Variants in NPEPL1 observed in about 807,000 individuals in gnomAD.
NPEPL1 encodes the protein aminopeptidase like 1.
A neutral mutation model predicts 52.4 loss-of-function variants in NPEPL1; 45 were observed. The observed-to-expected ratio is 0.86, with a 90% CI of 0.68 to 1.10. The LOEUF (loss-of-function observed/expected upper bound fraction) is 1.10. NPEPL1 is among the 50% of genes least tolerant of loss of function. The probability of loss-of-function intolerance (pLI) is 0.00; values close to 1 mark genes in which losing one functional copy is unlikely to be tolerated. For synonymous variants in NPEPL1, 360 were observed against 314.7 expected (o/e 1.14, Z -1.52); for missense variants, 696 against 710.9 (o/e 0.98, Z 0.24).
intron 5 of NPEPL1, among the ~76,000 whole-genome samples, chr20:58,700,252 G>GAGAC (rs1392602390): frequency 1.3e-5 from 2 of 152,236 alleles, no homozygotes; most frequent in Admixed American, 6.5e-5. Flanking sequence ...GGTTAGAGGT[G>GAGAC]AGACATCAGG....
At chr20:58,714,772 C>G in intron 11 of NPEPL1, 102 bp downstream of exon 11, 1 of 918,726 alleles carries the variant, frequency 1.1e-6, no homozygotes, top group South Asian at 1.6e-5. Flanking sequence ...TCAGAAACTT[C>G]TGTCTGTGAC....
upstream of NPEPL1, among the ~76,000 whole-genome samples, chr20:58,689,773 C>T: frequency 6.6e-6 from 1 of 152,094 alleles, no homozygotes. Flanking sequence ...GTTCTACTTG[C>T]TTCCCCTTCC....
At position 58,713,899 on chromosome 20, in the gene NPEPL1, G is replaced by A. The variant is rs371352151; in HGVS notation, c.1126-18G>A. ...CTGCCGTCCCGTCCACACGCTTCCC[G>A]GGTTCCTGCCCGCCCAGGGCATTGC... On this transcript the variant is annotated intron_variant, in intron 9 of 11. Transcript: ENST00000356091. This position sits in a 1 kb window ranked among gnomAD's most constrained non-coding sequence, Gnocchi z 4.6. 1.4e-5 allele frequency: 21 copies of A among 1,449,040 alleles called. No individual in the cohort carries two copies. In the African/African-American group the frequency reaches 1.9e-4, roughly 13 times the overall value. The allele number at this position is 1,449,040 out of a possible 1,614,324, so 89.8% of individuals were successfully genotyped here. A position where few individuals can be genotyped will look rare whatever the true frequency, so the allele number is the denominator to read the frequency against.
At chr20:58,708,534 A>T (rs1479915208) in intron 7 of NPEPL1, among the ~76,000 whole-genome samples, 1 of 151,834 alleles carries the variant, frequency 6.6e-6, no homozygotes, top group Non-Finnish European at 1.5e-5. Flanking sequence ...CTCCATGAGC[A>T]CCTGCCGTGG....
At chr20:58,691,558 G>C, upstream of NPEPL1, 1 of 645,782 alleles carries the variant, frequency 1.5e-6, no homozygotes, top group Non-Finnish European at 2.7e-6. Context: ...CTGTGGACAG[G>C]GAAGGTGAAA....
intron 3 of NPEPL1, among the ~76,000 whole-genome samples, chr20:58,695,220 ATG>A (rs1428175438): frequency 7.8e-4 from 1 of 1,274 alleles, no homozygotes; most frequent in East Asian, 0.013. Flanking sequence ...CATGAGCAGC[ATG>A]TGTTGCTGTG....
chr20:58,697,982 C>T (rs1241854718), intron 3 of NPEPL1, among the ~76,000 whole-genome samples: 6 of 152,238 alleles, frequency 3.9e-5, no homozygotes, highest in Non-Finnish European at 8.8e-5. Flanking sequence ...TTCCATGAGG[C>T]GAGACCTCCC....
Position 58,704,029 on chromosome 20 carries a change from C to T in NPEPL1, c.822+2871C>T, listed in dbSNP as rs16982240. The T allele has an allele frequency of 6.6e-3, 6,497 of 985,306 alleles. 334 individuals carry two copies. In the African/African-American group the frequency reaches 0.11, roughly 16 times the overall value. 61.0% of individuals were successfully genotyped at this position (985,306 alleles called of 1,614,324 possible). On this transcript the variant is annotated intron_variant, in intron 6 of 11. Transcript: ENST00000356091. ...CCCCGCTGCAGTTGGAACCGTTCTA[C>T]GTGGATTTGGGATCAACCAGCAGGC...
chr20:58,691,659 G>GAGTT, upstream of NPEPL1: 2 of 733,230 alleles, frequency 2.7e-6, no homozygotes, highest in Non-Finnish European at 4.5e-6. Context: ...CCACGCCAGG[G>GAGTT]AGTTGACAGT....
chr20:58,714,882 A>C, intron 11 of NPEPL1: 4 of 610,472 alleles, frequency 6.6e-6, no homozygotes, highest in Non-Finnish European at 1.1e-5. Context: ...CCTGTCCTCC[A>C]TAGGGGATCC....
rs374427176 is a variant in NPEPL1, at chr20:58,715,300, G to C, written c.1546G>C (p.Asp516His). The C allele has an allele frequency of 6.2e-7, 1 of 1,609,452 alleles. No individual in the cohort carries two copies. Among genetic ancestry groups the C allele is most frequent in the African/African-American group, 1.3e-5 (1 of 74,796 alleles). Residue 516 changes from aspartate to histidine, a missense_variant, in exon 12 of 12, where the codon GAC becomes CAC. Transcript: ENST00000356091. ...VDVEEGDLGR[D>H]SKRRRLV is the part of the protein sequence containing the mutation. Reference sequence around the variant, plus strand: ...TGTCGAGGAGGGGGACCTGGGGAGGGACTCCAAGAGACGCAGGCTTGTGTG... The same window carrying C: ...TGTCGAGGAGGGGGACCTGGGGAGGCACTCCAAGAGACGCAGGCTTGTGTG...
chr20:58,714,909 C>G (rs1030677780), intron 11 of NPEPL1: 1 of 609,842 alleles, frequency 1.6e-6, no homozygotes, highest in Non-Finnish European at 2.9e-6. Context: ...CTGTCTCACC[C>G]ATCCCCACCC....
At position 58,713,539 on chromosome 20, in the gene NPEPL1, C is replaced by T. The variant is rs1338784611; in HGVS notation, c.1121C>T (p.Ala374Val). ...IILDMATLTG[A>V]QGIATGKYHA... is the part of the protein sequence containing the mutation. Reference sequence around the variant, plus strand: ...CTGGACATGGCCACCCTGACCGGGGCTCAGGTGAGTGCTCCCTGGATCCAC... The same window carrying T: ...CTGGACATGGCCACCCTGACCGGGGTTCAGGTGAGTGCTCCCTGGATCCAC... Residue 374 changes from alanine to valine, a missense_variant, in exon 9 of 12, where the codon GCT becomes GTT. Ala to Val is a moderately conservative substitution (Grantham distance 64). Coordinates refer to ENST00000356091, the MANE Select transcript of NPEPL1 (RefSeq NM_024663.4). This position sits in a 1 kb window ranked among gnomAD's most constrained non-coding sequence, Gnocchi z 4.6. The T allele has an allele frequency of 2.5e-6, 4 of 1,603,342 alleles. No homozygotes were observed. The highest frequency in any genetic ancestry group is 3.4e-6 in the Non-Finnish European group (4 of 1,174,016).
chr20:58,694,950 C>T (rs908787857), intron 3 of NPEPL1, among the ~76,000 whole-genome samples: 3 of 89,030 alleles, frequency 3.4e-5, no homozygotes, highest in Non-Finnish European at 7.2e-5. Flanking sequence ...ATGTGTGTTG[C>T]TGTGCGTGTA....
intron 7 of NPEPL1, among the ~76,000 whole-genome samples, chr20:58,707,896 T>C (rs1302932408): frequency 6.6e-6 from 1 of 152,098 alleles, no homozygotes; most frequent in Non-Finnish European, 1.5e-5. Context: ...CATAGCAACC[T>C]TGCAAGACCC....
At chr20:58,711,004 G>A (rs1319173638) in intron 7 of NPEPL1, 1 of 152,022 alleles carries the variant, frequency 6.6e-6, no homozygotes, top group Admixed American at 6.5e-5. Flanking sequence ...CCAGCCTTCA[G>A]CGGGTAGCAG....
rs756135620 is a variant in NPEPL1, at chr20:58,713,934, G to A, written c.1143G>A (p.Lys381=). Residue 381 remains lysine (K), a synonymous_variant, in exon 10 of 12, where the codon AAG becomes AAA. Coordinates refer to ENST00000356091, the MANE Select transcript of NPEPL1 (RefSeq NM_024663.4). This position sits in a 1 kb window ranked among gnomAD's most constrained non-coding sequence, Gnocchi z 4.6. The stretch of plus-strand genomic sequence containing the variant: ...CCGCCCAGGGCATTGCCACAGGGAA[G>A]TACCACGCCGCGGTGCTCACCAACA... ...LTGAQGIATG[K]YHAAVLTNSA... is the part of the protein sequence containing the mutation. 4 of 1,493,682 alleles carry A rather than the reference G, an allele frequency of 2.7e-6. No individual in the cohort carries two copies. In the South Asian group the frequency reaches 5.3e-5, roughly 20 times the overall value. The allele number at this position is 1,493,682 out of a possible 1,614,324, so 92.5% of individuals were successfully genotyped here.
chr20:58,714,691 C>T (rs1270013099), intron 11 of NPEPL1, 21 bp downstream of exon 11: 1 of 1,539,184 alleles, frequency 6.5e-7, no homozygotes, highest in Non-Finnish European at 8.8e-7. Flanking sequence ...CCCCTCCCCA[C>T]TGGCCCTGGC....
rs753671217 is a variant in NPEPL1 at position 58,712,471 on chromosome 20, C to T, written c.901-8C>T. 5 of 1,605,576 alleles carry T rather than the reference C, an allele frequency of 3.1e-6. No homozygotes were observed. In the Admixed American group the frequency reaches 5.0e-5, roughly 16 times the overall value. ...ACAACTGGAGCCTCTGCCCACTTCT[C>T]CCTCCAGGGTTTCAAAGACAACCTC... On this transcript the variant is annotated splice_region_variant and splice_polypyrimidine_tract_variant and intron_variant, in intron 7 of 11. Coordinates refer to ENST00000356091, the MANE Select transcript of NPEPL1 (RefSeq NM_024663.4).
Sources: allele counts gnomAD v4.1 joint callset (sites outside exome capture counted in the v4.1 genomes callset), GRCh38; gene constraint gnomAD v4.1.1; non-coding constraint Gnocchi (gnomAD v3.1); transcripts MANE v1.5; gene names NCBI Gene and HGNC (gene_info 2026-07-23, HGNC 2026-07-21).